EDARADD: variants seen among roughly 807,000 people sequenced by gnomAD.
EDARADD encodes the protein ectodysplasin-A receptor-associated adapter protein.
Under a neutral mutation model 25.6 loss-of-function variants are expected in EDARADD, and 20 were observed. The observed-to-expected ratio is 0.78, with a 90% CI of 0.55 to 1.14. EDARADD has a LOEUF of 1.14. Among genes scored for constraint, EDARADD ranks in the 50% most tolerant of loss-of-function variants. The pLI is 0.00. For synonymous variants in EDARADD, 86 were observed against 94.4 expected (o/e 0.91, Z 0.52); for missense variants, 225 against 270.1 (o/e 0.83, Z 1.17).
At chr1:236,478,000 G>A (rs1027632185) in intron 5 of EDARADD, among the ~76,000 whole-genome samples, 2 of 152,122 alleles carry the variant, frequency 1.3e-5, no homozygotes, top group African/African-American at 4.8e-5. Flanking sequence ...CTACTCAGGA[G>A]GCTGAGGCAG....
chr1:236,430,764 A>G (rs1658072622), intron 4 of EDARADD, among the ~76,000 whole-genome samples: 1 of 152,242 alleles, frequency 6.6e-6, no homozygotes, highest in Non-Finnish European at 1.5e-5. Flanking sequence ...AAAATTCACC[A>G]GGGAGAAACG....
intron 1 of EDARADD, among the ~76,000 whole-genome samples, chr1:236,405,766 TTTC>T (rs1157661714): frequency 9.9e-5 from 6 of 60,614 alleles, no homozygotes; most frequent in South Asian, 6.1e-4. Flanking sequence ...TCTTTCTTTC[TTTC>T]TTTCTTTCTT....
chr1:236,469,683 A>G (rs16833721), intron 5 of EDARADD, among the ~76,000 whole-genome samples: 16,998 of 152,022 alleles, frequency 0.11, 1,524 homozygotes, highest in African/African-American at 0.25. Context: ...TGCAGTGCGT[A>G]CTCAACTTTT....
At position 236,484,437 on chromosome 1, in the gene EDARADD, G is replaced by A. The variant is rs1053380939; in HGVS notation, c.*1788G>A. 9 of 1,609,646 alleles carry A rather than the reference G, an allele frequency of 5.6e-6. No individual in the cohort carries two copies. Among genetic ancestry groups the A allele is most frequent in the East Asian group, 4.5e-5 (2 of 44,864 alleles). On this transcript the variant is annotated 3_prime_UTR_variant, in exon 6 of 6. Coordinates refer to ENST00000334232, the MANE Select transcript of EDARADD (RefSeq NM_145861.4). The surrounding 1 kb of genome is among the most constrained non-coding windows in gnomAD (Gnocchi z 4.1). ...GCTGGGCAGCAAGGCTAAGTTTGCCGGCAGGAACTTCAGAAACCCCCCAGC... is the reference window on the plus strand; with the variant it reads ...GCTGGGCAGCAAGGCTAAGTTTGCCAGCAGGAACTTCAGAAACCCCCCAGC...
intron 3 of EDARADD, among the ~76,000 whole-genome samples, chr1:236,362,987 G>GAAAAAAA (rs577963160): frequency 2.7e-4 from 8 of 29,566 alleles, no homozygotes; most frequent in South Asian, 4.9e-3. Context: ...CTTTTTTTAA[G>GAAAAAAA]AAAAAAAAAA....
chr1:236,380,034 C>A (rs2102995807), intron 3 of EDARADD, among the ~76,000 whole-genome samples: 1 of 152,262 alleles, frequency 6.6e-6, no homozygotes, highest in South Asian at 2.1e-4. Context: ...ATGTGCAGGT[C>A]CTCTGAGCTG....
At chr1:236,402,296 C>A (rs939235856) in intron 1 of EDARADD, among the ~76,000 whole-genome samples, 1 of 152,080 alleles carries the variant, frequency 6.6e-6, no homozygotes, top group Admixed American at 6.5e-5. Context: ...ATTGGCCAGG[C>A]GTGGTGGCTT....
chr1:236,369,862 A>T (rs1421219982), intron 3 of EDARADD, among the ~76,000 whole-genome samples: 1 of 151,740 alleles, frequency 6.6e-6, no homozygotes, highest in Non-Finnish European at 1.5e-5. Flanking sequence ...AAGCAAAAAA[A>T]AATTGTTATC....
chr1:236,395,617 C>A lies in EDARADD; in HGVS notation c.61+1112C>A. The A allele has an allele frequency of 6.4e-7, 1 of 1,565,830 alleles. No homozygotes were observed. On this transcript the variant is annotated intron_variant, in intron 1 of 5. Transcript: ENST00000334232. The surrounding 1 kb of genome is among the most constrained non-coding windows in gnomAD (Gnocchi z 6.9). ...GCCCCGCTCGGACGCTCGTTTGCCCCTAACCCGCCGCCATGGCTTCACCGG... is the reference window on the plus strand; with the variant it reads ...GCCCCGCTCGGACGCTCGTTTGCCCATAACCCGCCGCCATGGCTTCACCGG...
chr1:236,360,183 G>A (rs1468509715), intron 3 of EDARADD, among the ~76,000 whole-genome samples: 3 of 152,158 alleles, frequency 2.0e-5, no homozygotes, highest in South Asian at 2.1e-4. Flanking sequence ...TTAGTTAGAT[G>A]TGGTGGTGTA....
chr1:236,447,640 A>G (rs981851389), intron 4 of EDARADD, among the ~76,000 whole-genome samples: 1 of 152,122 alleles, frequency 6.6e-6, no homozygotes, highest in African/African-American at 2.4e-5. Context: ...TGGCCACCCT[A>G]TGAGTAGCAC....
chr1:236,384,352 T>C (rs1340481312), intron 3 of EDARADD, among the ~76,000 whole-genome samples: 2 of 152,226 alleles, frequency 1.3e-5, no homozygotes, highest in Non-Finnish European at 2.9e-5. Flanking sequence ...GTTAACTCAT[T>C]AGTATTTTAA....
chr1:236,381,800 G>GGTTTTTT (rs1558105353), intron 3 of EDARADD, among the ~76,000 whole-genome samples: 1 of 16,938 alleles, frequency 5.9e-5, no homozygotes, highest in South Asian at 2.2e-3. Context: ...TCCTGTGGTT[G>GGTTTTTT]CTTTTTTTTT....
intron 5 of EDARADD, among the ~76,000 whole-genome samples, chr1:236,480,096 CATATATATAT>C (rs72215388): frequency 0.017 from 1,291 of 77,820 alleles, 21 homozygotes; most frequent in Non-Finnish European, 0.021. Flanking sequence ...TTAAGTATGC[CATATATATAT>C]ATATATATAT....
At chr1:236,413,217 T>G (rs1349109430) in intron 2 of EDARADD, among the ~76,000 whole-genome samples, 1 of 152,252 alleles carries the variant, frequency 6.6e-6, no homozygotes, top group Admixed American at 6.5e-5. Context: ...TTCCTCGGTC[T>G]TGGGAGTAGA....
At chr1:236,480,281 A>G (rs1394779814) in intron 5 of EDARADD, among the ~76,000 whole-genome samples, 1 of 151,768 alleles carries the variant, frequency 6.6e-6, no homozygotes, top group East Asian at 1.9e-4. Flanking sequence ...ATAATATTCC[A>G]TCAAGTAGCA....
At chr1:236,477,049 A>G (rs12047024) in intron 5 of EDARADD, among the ~76,000 whole-genome samples, 17,478 of 146,694 alleles carry the variant, frequency 0.12, 1,449 homozygotes, top group African/African-American at 0.23. Flanking sequence ...AAAAGTGCCC[A>G]TAAGCAAAAA....
chr1:236,358,198 G>A (rs626126), intron 3 of EDARADD, among the ~76,000 whole-genome samples: 52,860 of 151,986 alleles, frequency 0.35, 9,489 homozygotes, highest in African/African-American at 0.44. Flanking sequence ...AAAATGACCA[G>A]TCTGCTTTTT....
chr1:236,473,930 G>A (rs145273365), intron 5 of EDARADD, among the ~76,000 whole-genome samples: 1 of 152,178 alleles, frequency 6.6e-6, no homozygotes, highest in African/African-American at 2.4e-5. Context: ...CACCATACCT[G>A]AATAATCAAA....
Sources: gnomAD v4.1 joint callset for allele counts (sites outside exome capture counted in the v4.1 genomes callset) on GRCh38, gnomAD v4.1.1 for gene constraint, Gnocchi (gnomAD v3.1) non-coding constraint, MANE v1.5 for transcripts, NCBI Gene and HGNC (gene_info 2026-07-23, HGNC 2026-07-21) for gene names.